LIN28B: variants seen among roughly 807,000 people sequenced by gnomAD.
The protein encoded by LIN28B is protein lin-28 homolog B.
A neutral mutation model predicts 21.9 loss-of-function variants in LIN28B; 5 were observed. The ratio of observed to expected loss-of-function variants is 0.23; its 90% CI spans 0.12 to 0.48. The LOEUF (loss-of-function observed/expected upper bound fraction) is 0.48. LIN28B is among the 20% of genes least tolerant of loss of function. The probability of loss-of-function intolerance (pLI) is 0.98; values close to 1 mark genes in which losing one functional copy is unlikely to be tolerated. For synonymous variants in LIN28B, 109 were observed against 111.3 expected (o/e 0.98, Z 0.13); for missense variants, 245 against 310.5 (o/e 0.79, Z 1.58).
At chr6:104,986,844 T>C (rs1442308093) in intron 2 of LIN28B, among the ~76,000 whole-genome samples, 1 of 152,228 alleles carries the variant, frequency 6.6e-6, no homozygotes, top group Non-Finnish European at 1.5e-5. Flanking sequence ...CTAGGACTAA[T>C]TTTGCCTACT....
upstream of LIN28B, among the ~76,000 whole-genome samples, chr6:104,952,543 T>TA (rs1178423418): frequency 1.3e-5 from 2 of 152,168 alleles, no homozygotes; most frequent in South Asian, 2.1e-4. Context: ...GTATAATTTT[T>TA]AAAAAAAGTT....
chr6:105,078,429 T>G lies in LIN28B; in HGVS notation c.399T>G (p.Gly133=). 1.9e-6 allele frequency: 3 copies of G among 1,603,388 alleles called. No individual in the cohort carries two copies. The highest frequency in any genetic ancestry group is 2.6e-6 in the Non-Finnish European group (3 of 1,170,908). ...TTCCTTGTAGATGCTACAACTGTGG[T>G]GGCCTTGATCATCATGCTAAGGAAT... ...KPKGDRCYNC[G]GLDHHAKECS... The change falls in exon 4 of 4, where the codon GGT becomes GGG. Residue 133 remains glycine (G), a synonymous_variant. Transcript: ENST00000345080.
chr6:104,973,714 A>G (rs1770025149), intron 2 of LIN28B, among the ~76,000 whole-genome samples: 1 of 152,244 alleles, frequency 6.6e-6, no homozygotes, highest in East Asian at 1.9e-4. Context: ...ATTACTTTAG[A>G]ATTTATTTTT....
At chr6:104,966,619 ATTT>A (rs538140992) in intron 2 of LIN28B, among the ~76,000 whole-genome samples, 7 of 122,780 alleles carry the variant, frequency 5.7e-5, no homozygotes, top group Admixed American at 8.3e-5. Flanking sequence ...TGCCCGGCTG[ATTT>A]TTTTTTTTTT....
chr6:104,965,667 A>G (rs1054366912), intron 2 of LIN28B, among the ~76,000 whole-genome samples: 1 of 152,226 alleles, frequency 6.6e-6, no homozygotes, highest in Non-Finnish European at 1.5e-5. Flanking sequence ...GATTACAGGC[A>G]TGAGCAACAG....
intron 2 of LIN28B, among the ~76,000 whole-genome samples, chr6:105,021,182 G>A (rs1349534277): frequency 6.6e-6 from 1 of 151,678 alleles, no homozygotes; most frequent in African/African-American, 2.4e-5. Flanking sequence ...GTCCGTTAAT[G>A]TTGCTGCAGA....
At chr6:105,006,390 C>A (rs527520853) in intron 2 of LIN28B, among the ~76,000 whole-genome samples, 16 of 152,154 alleles carry the variant, frequency 1.1e-4, no homozygotes, top group Non-Finnish European at 1.9e-4. Context: ...CAGCTCACTG[C>A]AATCTCCACC....
intron 2 of LIN28B, among the ~76,000 whole-genome samples, chr6:104,987,898 C>G (rs1472135319): frequency 6.6e-6 from 1 of 152,016 alleles, no homozygotes; most frequent in African/African-American, 2.4e-5. Context: ...TGCCCACCAC[C>G]ACGCTTGGCT....
At chr6:105,059,807 A>G (rs2114399123) in intron 3 of LIN28B, among the ~76,000 whole-genome samples, 1 of 152,256 alleles carries the variant, frequency 6.6e-6, no homozygotes, top group East Asian at 1.9e-4. Context: ...TTCCACTTTA[A>G]TGATGCTGCC....
chr6:104,940,487 G>A (rs1396546164), intron 2 of LIN28B: 2 of 153,318 alleles, frequency 1.3e-5, no homozygotes, highest in African/African-American at 4.8e-5. Context: ...ACGCGCTTCG[G>A]GGGTTCGGGG....
At chr6:105,004,368 C>T (rs183650265) in intron 2 of LIN28B, among the ~76,000 whole-genome samples, 8 of 152,284 alleles carry the variant, frequency 5.3e-5, no homozygotes, top group South Asian at 2.1e-4. Context: ...CAATTTTATG[C>T]GCCTTTCCTC....
chr6:104,983,606 C>T (rs991567049), intron 2 of LIN28B, among the ~76,000 whole-genome samples: 64 of 152,080 alleles, frequency 4.2e-4, no homozygotes, highest in Non-Finnish European at 2.8e-4. Context: ...GACGGAGTTT[C>T]GCTCTTATTG....
At chr6:105,018,003 T>A (rs918766846) in intron 2 of LIN28B, among the ~76,000 whole-genome samples, 2 of 152,216 alleles carry the variant, frequency 1.3e-5, no homozygotes, top group African/African-American at 4.8e-5. Flanking sequence ...CTGAGTATGC[T>A]ACCTCATGCC....
intron 2 of LIN28B, among the ~76,000 whole-genome samples, chr6:104,943,182 C>A (rs1473973158): frequency 2.0e-5 from 3 of 151,990 alleles, no homozygotes; most frequent in African/African-American, 7.2e-5. Flanking sequence ...ACATATAAAT[C>A]CCAAAATACG....
intron 2 of LIN28B, among the ~76,000 whole-genome samples, chr6:105,019,847 A>G (rs1392874975): frequency 1.3e-5 from 2 of 152,154 alleles, no homozygotes; most frequent in African/African-American, 4.8e-5. Context: ...TTAAAGAGTA[A>G]CGTGAAGCAC....
At chr6:104,990,296 C>T (rs1363303200) in intron 2 of LIN28B, among the ~76,000 whole-genome samples, 3 of 150,970 alleles carry the variant, frequency 2.0e-5, no homozygotes, top group East Asian at 1.9e-4. Flanking sequence ...GCAGGCATAG[C>T]GTTTTACATA....
intron 2 of LIN28B, among the ~76,000 whole-genome samples, chr6:104,938,122 G>T (rs1778033531): frequency 6.7e-6 from 1 of 149,948 alleles, no homozygotes. Flanking sequence ...TTAGGCGCTT[G>T]TAGTCCCAGC....
intron 3 of LIN28B, among the ~76,000 whole-genome samples, chr6:105,063,033 C>G (rs1562111363): frequency 6.6e-6 from 1 of 151,746 alleles, no homozygotes; most frequent in Non-Finnish European, 1.5e-5. Flanking sequence ...AATTTTTGTC[C>G]AAAAATGTTG....
chr6:105,033,802 G>A (rs1177446423), intron 3 of LIN28B, among the ~76,000 whole-genome samples: 1 of 151,750 alleles, frequency 6.6e-6, no homozygotes, highest in Non-Finnish European at 1.5e-5. Flanking sequence ...GATTTACTAT[G>A]AAGAAAAAGA....
Sources: allele counts gnomAD v4.1 joint callset (sites outside exome capture counted in the v4.1 genomes callset), GRCh38; gene constraint gnomAD v4.1.1; transcripts MANE v1.5; gene names NCBI Gene and HGNC (gene_info 2026-07-23, HGNC 2026-07-21).